The following MICAL2 variants were observed in gnomAD, a reference collection of about 807,000 sequenced individuals.
MICAL2 encodes microtubule associated monooxygenase, calponin and LIM domain containing 2, also known as [F-actin]-monooxygenase MICAL2.
Under a neutral mutation model 127.3 loss-of-function variants are expected in MICAL2, and 77 were observed. The ratio of observed to expected loss-of-function variants is 0.60; its 90% CI spans 0.50 to 0.73. The LOEUF (loss-of-function observed/expected upper bound fraction) is 0.73. MICAL2 is among the 30% of genes least tolerant of loss of function. The pLI is 0.00. For missense variants in MICAL2, 1,351 were observed against 1,434.4 expected, an observed-to-expected ratio of 0.94 and a Z score of 0.94; for synonymous variants, 570 against 551.1, an observed-to-expected ratio of 1.03 and a Z score of -0.48.
Position 12,209,367 on chromosome 11 carries a change from C to T in MICAL2, c.590-130C>T, listed in dbSNP as rs558259424. On this transcript the variant is annotated intron_variant, in intron 5 of 27. Coordinates refer to ENST00000683283, the MANE Select transcript of MICAL2 (RefSeq NM_001282663.2). ...TGAATCTGGACTGCTCTAGCCTTTC[C>T]CCTGGAGGCTCTCTCTGTGATACAC... The T allele has an allele frequency of 5.3e-6, 4 of 752,268 alleles. No homozygotes were observed. The African/African-American group carries it at 6.8e-5, about 13-fold the overall frequency. The allele number at this position is 752,268 out of a possible 1,614,324, so 46.6% of individuals were successfully genotyped here.
At chr11:12,294,257 G>T (rs1485176794), downstream of MICAL2, 4 of 1,614,136 alleles carry the variant, frequency 2.5e-6, no homozygotes, top group Non-Finnish European at 3.4e-6. Context: ...CATAGCCAAT[G>T]CCATCCGAAG....
downstream of MICAL2, among the ~76,000 whole-genome samples, chr11:12,287,644 T>TA: frequency 6.6e-6 from 1 of 152,050 alleles, no homozygotes. Context: ...CCCCTACACA[T>TA]ACACACACAT....
intron 6 of MICAL2, among the ~76,000 whole-genome samples, chr11:12,211,959 C>A (rs1001079034): frequency 6.6e-6 from 1 of 152,198 alleles, no homozygotes; most frequent in Non-Finnish European, 1.5e-5. Flanking sequence ...CTCCTCTTAA[C>A]CTCCACCTGG....
At chr11:12,155,350 A>T (rs1854048782) in intron 2 of MICAL2, among the ~76,000 whole-genome samples, 1 of 152,220 alleles carries the variant, frequency 6.6e-6, no homozygotes. Flanking sequence ...ATGTACATAC[A>T]CATGCTACAT....
rs151257133 is a variant in MICAL2 at position 12,306,053 on chromosome 11, A to C, written c.5212+11196A>C. ...CATTTCTGAAGGTTTATTTCTAGAT[A>C]GTCATTTTTCTTGCTTATAATACAC... On this transcript the variant is annotated intron_variant, in intron 29 of 34. Coordinates refer to the MICAL2 transcript ENST00000646065. 1.3e-4 allele frequency among the ~76,000 whole-genome samples: 20 copies of C among 152,322 alleles called. No individual in the cohort carries two copies. In the East Asian group the frequency reaches 3.9e-3, roughly 29 times the overall value.
chr11:12,195,431 C>T (rs542328771), intron 3 of MICAL2, among the ~76,000 whole-genome samples: 72 of 152,134 alleles, frequency 4.7e-4, no homozygotes, highest in African/African-American at 1.6e-3. Flanking sequence ...TGAATAGATA[C>T]ATGCTAAAGC....
intron 8 of MICAL2, among the ~76,000 whole-genome samples, chr11:12,216,554 C>T (rs896718375): frequency 6.6e-6 from 1 of 152,160 alleles, no homozygotes; most frequent in Non-Finnish European, 1.5e-5. Context: ...AGACCTTTAC[C>T]AGGTGTTAAT....
At chr11:12,287,689 C>G (rs1399639902), downstream of MICAL2, among the ~76,000 whole-genome samples, 2 of 152,198 alleles carry the variant, frequency 1.3e-5, no homozygotes, top group Non-Finnish European at 2.9e-5. Context: ...CACCCTTGGT[C>G]CCAGTGTCCT....
intron 6 of MICAL2, among the ~76,000 whole-genome samples, chr11:12,211,115 C>T (rs1017802370): frequency 6.6e-6 from 1 of 152,218 alleles, no homozygotes; most frequent in Non-Finnish European, 1.5e-5. Context: ...CGTGGTGGCT[C>T]ACACCTGTAA....
intron 7 of MICAL2, among the ~76,000 whole-genome samples, chr11:12,215,381 A>T (rs984315720): frequency 6.6e-6 from 1 of 152,186 alleles, no homozygotes; most frequent in African/African-American, 2.4e-5. Flanking sequence ...GTAAATGCTG[A>T]TATGTCGCCA....
chr11:12,183,917 C>G (rs531452804), intron 3 of MICAL2, among the ~76,000 whole-genome samples: 98 of 152,212 alleles, frequency 6.4e-4, no homozygotes, highest in Non-Finnish European at 1.2e-3. Flanking sequence ...GTAGCTGGGA[C>G]CACCGGTGTG....
upstream of MICAL2, chr11:12,274,662 C>G (rs967155062): frequency 6.6e-6 from 1 of 152,364 alleles, no homozygotes; most frequent in East Asian, 1.9e-4. Context: ...GACGTGTGCC[C>G]AGAGTGCTGG....
At chr11:12,206,355 G>A (rs550690276) in intron 4 of MICAL2, among the ~76,000 whole-genome samples, 4 of 152,244 alleles carry the variant, frequency 2.6e-5, no homozygotes, top group South Asian at 4.1e-4. Context: ...CCGTAATGCC[G>A]GTGGGACTCT....
exon 3 of MICAL2, chr11:12,287,270 A>G (rs935550921): frequency 4.5e-5 from 18 of 396,984 alleles, no homozygotes; most frequent in Admixed American, 1.8e-4. Flanking sequence ...TCTCTCTGGC[A>G]TGGCCTCCTG....
chr11:12,210,159 A>C (rs1351188735), intron 6 of MICAL2, among the ~76,000 whole-genome samples: 2 of 152,148 alleles, frequency 1.3e-5, no homozygotes, highest in East Asian at 3.9e-4. Flanking sequence ...CAAAGGCCAC[A>C]CTTCTCTGAG....
chr11:12,258,394 C>A, intron 24 of MICAL2, 74 bp from the exon 25 acceptor site: 1 of 1,121,456 alleles, frequency 8.9e-7, no homozygotes. Context: ...CAGTGGTGGG[C>A]ACTTGGCTTT....
intron 2 of MICAL2, among the ~76,000 whole-genome samples, chr11:12,154,062 T>C (rs1853891505): frequency 6.6e-6 from 1 of 152,138 alleles, no homozygotes; most frequent in Non-Finnish European, 1.5e-5. Flanking sequence ...CCCATTCTGC[T>C]CTGGAATGTG....
downstream of MICAL2, among the ~76,000 whole-genome samples, chr11:12,289,935 C>T (rs1482418173): frequency 6.6e-6 from 1 of 152,172 alleles, no homozygotes; most frequent in African/African-American, 2.4e-5. Context: ...CCAGACAGCC[C>T]ACTTTTTGGA....
At chr11:12,276,224 A>G in intron 1 of MICAL2, 1 of 371,026 alleles carries the variant, frequency 2.7e-6, no homozygotes, top group African/African-American at 2.5e-5. Context: ...AGGGAATCAC[A>G]TTTGGGATTG....
Sources: gnomAD v4.1 joint callset for allele counts (sites outside exome capture counted in the v4.1 genomes callset) on GRCh38, gnomAD v4.1.1 for gene constraint, MANE v1.5 for transcripts, NCBI Gene and HGNC (gene_info 2026-07-23, HGNC 2026-07-21) for gene names.